CCNY: variants seen among roughly 807,000 people sequenced by gnomAD.
CCNY encodes cyclin Y, also known as cyclin-Y.
In CCNY, 19 loss-of-function variants were observed where a neutral mutation model predicts 42.8. That is an observed-to-expected ratio of 0.44 (90% confidence interval 0.31 to 0.65). The LOEUF (loss-of-function observed/expected upper bound fraction) is 0.65, where lower values mean the gene tolerates loss of function less well. CCNY is among the 30% of genes least tolerant of loss of function. The pLI is 0.07. For missense variants in CCNY, 370 were observed against 437.3 expected (o/e 0.85, Z 1.37); for synonymous variants, 165 against 162.7 (o/e 1.01, Z -0.11).
chr10:35,523,211 C>G (rs548776568), intron 4 of CCNY, among the ~76,000 whole-genome samples: 1 of 152,164 alleles, frequency 6.6e-6, no homozygotes, highest in East Asian at 1.9e-4. Flanking sequence ...ACAAAAGACA[C>G]AGCTGCAAGC....
chr10:35,411,512 C>CAAAAAAAAAAA (rs59117826), intron 1 of CCNY, among the ~76,000 whole-genome samples: 2 of 61,394 alleles, frequency 3.3e-5, no homozygotes, highest in Non-Finnish European at 6.2e-5. Flanking sequence ...AAGACTCTGT[C>CAAAAAAAAAAA]AAAAAAAAAA....
At chr10:35,495,275 T>C (rs1187232152) in intron 2 of CCNY, among the ~76,000 whole-genome samples, 1 of 152,230 alleles carries the variant, frequency 6.6e-6, no homozygotes, top group Non-Finnish European at 1.5e-5. Context: ...AGCATGCATT[T>C]CTTTTCTGAT....
intron 1 of CCNY, among the ~76,000 whole-genome samples, chr10:35,447,958 C>T (rs763511236): frequency 1.3e-5 from 2 of 152,168 alleles, no homozygotes; most frequent in African/African-American, 2.4e-5. Context: ...TGTGCTTTGC[C>T]GTTCATGGTG....
At chr10:35,345,207 C>G (rs1288478156) in intron 1 of CCNY, among the ~76,000 whole-genome samples, 1 of 152,182 alleles carries the variant, frequency 6.6e-6, no homozygotes, top group East Asian at 1.9e-4. Context: ...TAAAAATGTT[C>G]CTATTTCTCC....
chr10:35,274,568 C>CAT (rs1835215469), intron 3 of CCNY, among the ~76,000 whole-genome samples: 1 of 152,168 alleles, frequency 6.6e-6, no homozygotes, highest in African/African-American at 2.4e-5. Context: ...ATGAACTTGC[C>CAT]ATCTCTTCCT....
intron 3 of CCNY, among the ~76,000 whole-genome samples, chr10:35,304,747 C>T (rs981119292): frequency 1.3e-5 from 2 of 152,116 alleles, no homozygotes; most frequent in Non-Finnish European, 2.9e-5. Context: ...TAGCAGAATC[C>T]CTAGCCTCTA....
At chr10:35,375,697 C>T (rs1340345786) in intron 1 of CCNY, among the ~76,000 whole-genome samples, 1 of 152,164 alleles carries the variant, frequency 6.6e-6, no homozygotes, top group East Asian at 1.9e-4. Flanking sequence ...ATATTGCAAA[C>T]CTCACTCACA....
chr10:35,308,960 C>T (rs2135083194), intron 3 of CCNY, among the ~76,000 whole-genome samples: 1 of 152,192 alleles, frequency 6.6e-6, no homozygotes, highest in African/African-American at 2.4e-5. Context: ...AAATAGTGAT[C>T]TTCAACCAGG....
intron 1 of CCNY, among the ~76,000 whole-genome samples, chr10:35,458,600 A>G (rs150282430): frequency 5.3e-5 from 8 of 152,336 alleles, no homozygotes; most frequent in Middle Eastern, 3.4e-3. Context: ...CTTTCCTCAG[A>G]AATTACATTC....
intron 3 of CCNY, among the ~76,000 whole-genome samples, chr10:35,287,139 T>A (rs1394995548): frequency 6.6e-6 from 1 of 152,184 alleles, no homozygotes; most frequent in Non-Finnish European, 1.5e-5. Flanking sequence ...AAGGTTAGAA[T>A]CTCTTTAAAG....
chr10:35,476,602 A>C (rs1174195640), intron 1 of CCNY, among the ~76,000 whole-genome samples: 2 of 151,744 alleles, frequency 1.3e-5, no homozygotes, highest in East Asian at 1.9e-4. Context: ...ACAAAGACAC[A>C]ACATACCAGA....
At chr10:35,511,248 T>G (rs898394130) in intron 3 of CCNY, among the ~76,000 whole-genome samples, 3 of 152,184 alleles carry the variant, frequency 2.0e-5, no homozygotes, top group African/African-American at 7.2e-5. Flanking sequence ...GTTCTTCATT[T>G]GCTGATTCAA....
chr10:35,400,348 C>T (rs1225258419), intron 1 of CCNY, among the ~76,000 whole-genome samples: 3 of 152,116 alleles, frequency 2.0e-5, no homozygotes, highest in Admixed American at 6.5e-5. Context: ...TGTTTTCCCC[C>T]TCCCCTCACC....
chr10:35,275,903 T>G (rs534754531), intron 3 of CCNY, among the ~76,000 whole-genome samples: 6 of 152,340 alleles, frequency 3.9e-5, no homozygotes, highest in Admixed American at 3.9e-4. Flanking sequence ...AGGGAAGGCA[T>G]GGTGATGCTT....
At position 35,569,064 on chromosome 10, in the gene CCNY, G is replaced by A. The variant is rs775386533; in HGVS notation, c.920G>A (p.Arg307His). ...ERAHKLEAISRLCEDKYKDLR... is the reference protein window; with the variant it reads ...ERAHKLEAISHLCEDKYKDLR... ...TTTCTTGCCCCTCAGGCCATCTCTCGCCTCTGCGAGGACAAGTACAAGGAC... is the reference window on the plus strand; with the variant it reads ...TTTCTTGCCCCTCAGGCCATCTCTCACCTCTGCGAGGACAAGTACAAGGAC... The change falls in exon 10 of 10, where the codon CGC (arginine) becomes CAC (histidine). Residue 307 changes from arginine to histidine, a missense_variant. Around this residue, in one of 2 missense-constraint regions of CCNY, gnomAD observed 234 missense variants for 313.1 expected, o/e 0.75. Coordinates refer to ENST00000374704, the MANE Select transcript of CCNY (RefSeq NM_145012.6). The A allele has an allele frequency of 5.0e-6, 8 of 1,610,746 alleles. No homozygotes were observed. Among genetic ancestry groups the A allele is most frequent in the Non-Finnish European group, 5.1e-6 (6 of 1,177,738 alleles).
chr10:35,401,599 A>G (rs1837646131), intron 1 of CCNY, among the ~76,000 whole-genome samples: 1 of 147,884 alleles, frequency 6.8e-6, no homozygotes, highest in Non-Finnish European at 1.5e-5. Context: ...AATTAGCAGT[A>G]GTAATTGTCT....
At position 35,570,282 on chromosome 10, in the gene CCNY, A is replaced by G. The variant is rs1341191205; in HGVS notation, c.*1112A>G. 1 of 152,442 alleles carries G rather than the reference A, an allele frequency of 6.6e-6. No homozygotes were observed. The highest frequency in any genetic ancestry group is 1.5e-5 in the Non-Finnish European group (1 of 68,046). 9.4% of individuals were successfully genotyped at this position (152,442 alleles called of 1,614,324 possible). Reference sequence around the variant, plus strand: ...TTCCAGTGGGAAGATCATTGAAGGGAAAAATGTTACTATTTACTGAGGTAT... The same window carrying G: ...TTCCAGTGGGAAGATCATTGAAGGGGAAAATGTTACTATTTACTGAGGTAT... On this transcript the variant is annotated 3_prime_UTR_variant, in exon 10 of 10. Coordinates refer to ENST00000374704, the MANE Select transcript of CCNY (RefSeq NM_145012.6).
chr10:35,424,703 T>C (rs1196346979), intron 1 of CCNY, among the ~76,000 whole-genome samples: 2 of 152,336 alleles, frequency 1.3e-5, no homozygotes, highest in Non-Finnish European at 1.5e-5. Flanking sequence ...GATCAGAGCC[T>C]AGTCTTGCAA....
chr10:35,548,061 A>G (rs1841154554), intron 7 of CCNY, among the ~76,000 whole-genome samples: 2 of 152,142 alleles, frequency 1.3e-5, no homozygotes, highest in Admixed American at 1.3e-4. Flanking sequence ...GGTTAGAGGC[A>G]TGGAACCCTG....
Sources: allele counts gnomAD v4.1 joint callset (sites outside exome capture counted in the v4.1 genomes callset), GRCh38; gene constraint gnomAD v4.1.1; regional missense constraint gnomAD v4.1.1; transcripts MANE v1.5; gene names NCBI Gene and HGNC (gene_info 2026-07-23, HGNC 2026-07-21).